PRORP: variants seen among roughly 807,000 people sequenced by gnomAD.
PRORP encodes protein only RNase P catalytic subunit.
Under a neutral mutation model 59.4 loss-of-function variants are expected in PRORP, and 51 were observed. The observed-to-expected ratio is 0.86, with a 90% confidence interval of 0.69 to 1.08. The LOEUF is 1.08. Ranked by LOEUF, PRORP falls within the 50% of genes least tolerant of loss-of-function variation. The probability of loss-of-function intolerance (pLI) is 0.00; values close to 1 mark genes in which losing one functional copy is unlikely to be tolerated. For synonymous variants in PRORP, 231 were observed against 245.6 expected, an observed-to-expected ratio of 0.94 and a Z score of 0.55; for missense variants, 646 against 690.3, an observed-to-expected ratio of 0.94 and a Z score of 0.72.
At chr14:35,235,900 CCAAAAAAACAAA>C (rs1469080094) in intron 5 of PRORP, among the ~76,000 whole-genome samples, 1 of 151,324 alleles carries the variant, frequency 6.6e-6, no homozygotes, top group Admixed American at 6.6e-5. Context: ...CCCATCTCTA[CCAAAAAAACAAA>C]CAAAAAAACA....
At chr14:35,166,818 A>G (rs2048196760) in intron 4 of PRORP, among the ~76,000 whole-genome samples, 2 of 152,132 alleles carry the variant, frequency 1.3e-5, no homozygotes, top group African/African-American at 2.4e-5. Flanking sequence ...TTTTCACCCT[A>G]TTGAATTATC....
chr14:35,240,294 CTTTTTTT>C (rs3058452), intron 5 of PRORP, among the ~76,000 whole-genome samples: 1 of 109,430 alleles, frequency 9.1e-6, no homozygotes, highest in African/African-American at 3.5e-5. Flanking sequence ...TTTAAACCAT[CTTTTTTT>C]TTTTTTTTTT....
chr14:35,224,450 C>G (rs2049880554), intron 5 of PRORP, among the ~76,000 whole-genome samples: 1 of 152,052 alleles, frequency 6.6e-6, no homozygotes, highest in Admixed American at 6.6e-5. Flanking sequence ...CTACCAGTTC[C>G]CATTTTACTA....
At chr14:35,174,790 T>C (rs576159416) in intron 4 of PRORP, among the ~76,000 whole-genome samples, 40 of 150,848 alleles carry the variant, frequency 2.7e-4, no homozygotes, top group African/African-American at 9.7e-4. Context: ...CTAGGGTACA[T>C]GTGCACAATG....
chr14:35,159,237 A>ACT (rs2047999699), intron 4 of PRORP: 1 of 161,766 alleles, frequency 6.2e-6, no homozygotes, highest in Non-Finnish European at 1.3e-5. Context: ...ATTGCTTGCC[A>ACT]CTCTCCTCTA....
At chr14:35,247,387 A>G (rs1264015822) in intron 5 of PRORP, among the ~76,000 whole-genome samples, 1 of 151,946 alleles carries the variant, frequency 6.6e-6, no homozygotes. Flanking sequence ...ATAGCCAGGT[A>G]TTTTATATAT....
At chr14:35,241,262 C>T (rs2050359188) in intron 5 of PRORP, among the ~76,000 whole-genome samples, 1 of 151,968 alleles carries the variant, frequency 6.6e-6, no homozygotes, top group Non-Finnish European at 1.5e-5. Flanking sequence ...CTTGTAATCC[C>T]AGCTACTCAG....
chr14:35,130,179 C>T (rs1417822549), intron 4 of PRORP, among the ~76,000 whole-genome samples: 6 of 151,708 alleles, frequency 4.0e-5, no homozygotes, highest in Admixed American at 6.6e-5. Flanking sequence ...TACAGGTGCC[C>T]GCCACCATGC....
intron 5 of PRORP, among the ~76,000 whole-genome samples, chr14:35,199,250 G>A (rs1271160479): frequency 2.0e-5 from 3 of 151,040 alleles, no homozygotes; most frequent in Non-Finnish European, 2.9e-5. Context: ...CAGGAGAATC[G>A]CTTGAACCCG....
At chr14:35,246,980 T>C (rs1350331731) in intron 5 of PRORP, among the ~76,000 whole-genome samples, 1 of 152,204 alleles carries the variant, frequency 6.6e-6, no homozygotes, top group Non-Finnish European at 1.5e-5. Context: ...CCATGTGCTT[T>C]GTGTCTACAT....
chr14:35,226,467 G>A (rs1291791411), intron 5 of PRORP, among the ~76,000 whole-genome samples: 3 of 152,174 alleles, frequency 2.0e-5, no homozygotes, highest in Non-Finnish European at 4.4e-5. Flanking sequence ...CTGGATCTTG[G>A]CAGGTTAGAC....
chr14:35,265,728 A>G (rs1401024211), intron 5 of PRORP, among the ~76,000 whole-genome samples: 2 of 152,232 alleles, frequency 1.3e-5, no homozygotes, highest in East Asian at 3.8e-4. Context: ...GCTTTTATTC[A>G]AATCAAAACT....
chr14:35,271,156 C>CTTTTTTTTT (rs762721923), intron 7 of PRORP, among the ~76,000 whole-genome samples: 1 of 114,562 alleles, frequency 8.7e-6, no homozygotes, highest in Admixed American at 9.5e-5. Context: ...ATTATGACTT[C>CTTTTTTTTT]TTTTTTTTTT....
At chr14:35,128,166 C>G (rs547072071) in intron 4 of PRORP, among the ~76,000 whole-genome samples, 104 of 152,264 alleles carry the variant, frequency 6.8e-4, no homozygotes, top group African/African-American at 2.4e-3. Flanking sequence ...GGATAAATCT[C>G]ACTTGGTGAT....
At chr14:35,187,538 T>C (rs1342752584) in intron 5 of PRORP, among the ~76,000 whole-genome samples, 1 of 151,256 alleles carries the variant, frequency 6.6e-6, no homozygotes. Flanking sequence ...TTCTCGTGGC[T>C]CAGACTCCTG....
chr14:35,181,783 CA>C (rs71121270), intron 5 of PRORP, among the ~76,000 whole-genome samples: 1,435 of 109,380 alleles, frequency 0.013, 19 homozygotes, highest in African/African-American at 0.047. Context: ...AAAACTGTCT[CA>C]AAAAAAAAAA....
intron 5 of PRORP, among the ~76,000 whole-genome samples, chr14:35,229,045 G>A (rs1044248924): frequency 6.6e-6 from 1 of 152,120 alleles, no homozygotes; most frequent in Non-Finnish European, 1.5e-5. Context: ...CTGATGATTA[G>A]CGATATTGAG....
intron 5 of PRORP, among the ~76,000 whole-genome samples, chr14:35,190,273 C>A (rs1407398286): frequency 6.6e-6 from 1 of 151,374 alleles, no homozygotes; most frequent in East Asian, 2.0e-4. Context: ...TGGTGCATGC[C>A]TGTAATCCCA....
At chr14:35,242,906 T>C (rs1471443597) in intron 5 of PRORP, among the ~76,000 whole-genome samples, 2 of 152,176 alleles carry the variant, frequency 1.3e-5, no homozygotes, top group Non-Finnish European at 2.9e-5. Context: ...AAGTGGAAAA[T>C]GTCTTTGGAG....
Sources: allele counts gnomAD v4.1 joint callset (sites outside exome capture counted in the v4.1 genomes callset), GRCh38; gene constraint gnomAD v4.1.1; transcripts MANE v1.5; gene names NCBI Gene and HGNC (gene_info 2026-07-23, HGNC 2026-07-21).